Variants in RAPGEF2 observed in about 807,000 individuals in gnomAD.
RAPGEF2 encodes the protein PDZ domain containing guanine nucleotide exchange factor (GEF) 1.
RAPGEF2 carries 54 observed loss-of-function variants against 186.7 expected under a neutral mutation model. That is an observed-to-expected ratio of 0.29 (90% CI 0.23 to 0.36). The LOEUF is 0.36. Ranked by LOEUF, RAPGEF2 falls within the 10% of genes least tolerant of loss-of-function variation. The pLI, the probability that RAPGEF2 is intolerant of heterozygous loss-of-function variation, is 1.00. For missense variants in RAPGEF2, 1,532 were observed against 2,045.0 expected, an observed-to-expected ratio of 0.75 and a Z score of 4.84; for synonymous variants, 712 against 705.9, an observed-to-expected ratio of 1.01 and a Z score of -0.14.
At chr4:159,224,187 C>T (rs760885648) in intron 4 of RAPGEF2, among the ~76,000 whole-genome samples, 12 of 152,154 alleles carry the variant, frequency 7.9e-5, no homozygotes, top group Non-Finnish European at 1.5e-4. Flanking sequence ...GCATGAACTA[C>T]CACGCCTGAC....
intron 7 of RAPGEF2, among the ~76,000 whole-genome samples, chr4:159,246,266 T>C (rs2111492910): frequency 6.6e-6 from 1 of 152,238 alleles, no homozygotes; most frequent in African/African-American, 2.4e-5. Flanking sequence ...AAATACTACA[T>C]AAGATTAAAT....
chr4:159,133,852 G>A (rs1560997552), intron 1 of RAPGEF2, among the ~76,000 whole-genome samples: 1 of 152,088 alleles, frequency 6.6e-6, no homozygotes, highest in Non-Finnish European at 1.5e-5. Flanking sequence ...CAAAGTCCTG[G>A]GATTACAGGC....
chr4:159,329,727 C>T (rs1276560566), intron 11 of RAPGEF2, 131 bp from the exon 12 acceptor site: 2 of 653,456 alleles, frequency 3.1e-6, no homozygotes, highest in Non-Finnish European at 4.9e-6. Flanking sequence ...TTCATTACAG[C>T]ATTAATTTAG....
chr4:159,142,726 ATCT>A (rs1354664400), intron 1 of RAPGEF2, among the ~76,000 whole-genome samples: 12 of 152,326 alleles, frequency 7.9e-5, no homozygotes, highest in Middle Eastern at 3.4e-3. Context: ...TTTTTAAAAA[ATCT>A]TCTCTCTTAT....
chr4:159,287,530 T>C (rs951662528), intron 7 of RAPGEF2, among the ~76,000 whole-genome samples: 20 of 152,256 alleles, frequency 1.3e-4, no homozygotes, highest in African/African-American at 4.1e-4. Context: ...CCTTGAGTGA[T>C]AGGACTTGAC....
At chr4:159,153,623 C>T (rs1016829741) in intron 1 of RAPGEF2, among the ~76,000 whole-genome samples, 2 of 152,190 alleles carry the variant, frequency 1.3e-5, no homozygotes, top group African/African-American at 4.8e-5. Flanking sequence ...ACTGACCTAT[C>T]ACTGACTTTC....
chr4:159,199,344 ATTT>A (rs1404711184), intron 3 of RAPGEF2, among the ~76,000 whole-genome samples: 1 of 152,204 alleles, frequency 6.6e-6, no homozygotes, highest in Non-Finnish European at 1.5e-5. Flanking sequence ...GCAGAAGAGT[ATTT>A]AAATAAAAAC....
Position 159,330,025 on chromosome 4 carries a change from C to G in RAPGEF2, c.1302+15C>G. 6.3e-7 allele frequency: 1 copy of G among 1,582,018 alleles called. No individual in the cohort carries two copies. The highest frequency in any genetic ancestry group is 1.4e-5 in the African/African-American group (1 of 72,498). ...TTGTCATCAAGGTAGGACACAGGAC[C>G]ACTCCTTCCCAAGGAAAGGAATTTT... On this transcript the variant is annotated intron_variant, in intron 12 of 29. Coordinates refer to ENST00000691494, the MANE Select transcript of RAPGEF2 (RefSeq NM_001394067.2).
chr4:159,270,633 T>C (rs1353410408), intron 7 of RAPGEF2, among the ~76,000 whole-genome samples: 1 of 152,218 alleles, frequency 6.6e-6, no homozygotes, highest in Admixed American at 6.5e-5. Flanking sequence ...ATGGGCTTTA[T>C]TCTTTATTTG....
At chr4:159,344,789 A>G (rs911665054) in intron 23 of RAPGEF2, among the ~76,000 whole-genome samples, 2 of 152,190 alleles carry the variant, frequency 1.3e-5, no homozygotes, top group Non-Finnish European at 2.9e-5. Flanking sequence ...GTATTCTTGC[A>G]TGAGCTTTTA....
intron 13 of RAPGEF2, 72 bp downstream of exon 13, chr4:159,330,570 G>T: frequency 9.0e-7 from 1 of 1,110,894 alleles, no homozygotes; most frequent in Non-Finnish European, 1.3e-6. Context: ...GTGTATATTT[G>T]TCACAGCAAT....
chr4:159,263,719 T>A (rs192156488), intron 7 of RAPGEF2, among the ~76,000 whole-genome samples: 1 of 152,302 alleles, frequency 6.6e-6, no homozygotes, highest in Non-Finnish European at 1.5e-5. Flanking sequence ...CACATTGAGA[T>A]CTATGGTTAA....
chr4:159,348,001 A>C (rs527521595), intron 25 of RAPGEF2, among the ~76,000 whole-genome samples: 2 of 152,184 alleles, frequency 1.3e-5, no homozygotes, highest in Non-Finnish European at 2.9e-5. Context: ...CGGGTGAATC[A>C]CTCGAGGCCA....
intron 7 of RAPGEF2, among the ~76,000 whole-genome samples, chr4:159,255,568 CA>C (rs1756061942): frequency 6.6e-6 from 1 of 152,130 alleles, no homozygotes; most frequent in Non-Finnish European, 1.5e-5. Flanking sequence ...TTTGGAAAGG[CA>C]CCAGAAATGT....
intron 1 of RAPGEF2, among the ~76,000 whole-genome samples, chr4:159,139,356 C>T (rs1157296491): frequency 6.6e-6 from 1 of 152,190 alleles, no homozygotes. Flanking sequence ...AGGATTGTTG[C>T]TTCCCCAGTA....
At chr4:159,323,895 T>G (rs1319315201) in intron 11 of RAPGEF2, among the ~76,000 whole-genome samples, 1 of 150,638 alleles carries the variant, frequency 6.6e-6, no homozygotes, top group East Asian at 1.9e-4. Context: ...ATTTTTGGGT[T>G]TTTTGGAGGG....
chr4:159,344,110 T>C, intron 23 of RAPGEF2, 51 bp downstream of exon 23: 1 of 1,514,486 alleles, frequency 6.6e-7, no homozygotes, highest in Non-Finnish European at 9.2e-7. Context: ...TTCTGCTCAT[T>C]GCATTGTTTT....
At chr4:159,330,281 GTGTGTGTGTGTGTGTATA>G in intron 12 of RAPGEF2, 35 bp from the exon 13 acceptor site, 7 of 857,780 alleles carry the variant, frequency 8.2e-6, no homozygotes, top group Non-Finnish European at 1.3e-5. Flanking sequence ...GTGTGTGTGT[GTGTGTGTGTGTGTGTATA>G]TATATGTAGT....
At chr4:159,268,833 C>G (rs1757749945) in intron 7 of RAPGEF2, among the ~76,000 whole-genome samples, 1 of 152,068 alleles carries the variant, frequency 6.6e-6, no homozygotes, top group Non-Finnish European at 1.5e-5. Flanking sequence ...TTTTCTATGC[C>G]TAACACCAAG....
Sources: allele counts gnomAD v4.1 joint callset (sites outside exome capture counted in the v4.1 genomes callset), GRCh38; gene constraint gnomAD v4.1.1; transcripts MANE v1.5; gene names NCBI Gene and HGNC (gene_info 2026-07-23, HGNC 2026-07-21).